The following MFSD6 variants were observed in gnomAD, a reference collection of about 807,000 sequenced individuals.
MFSD6 encodes the protein major facilitator superfamily domain-containing protein 6.
Under a neutral mutation model 56.3 loss-of-function variants are expected in MFSD6, and 26 were observed. The observed-to-expected ratio is 0.46, with a 90% CI of 0.34 to 0.64. The LOEUF (loss-of-function observed/expected upper bound fraction) is 0.64, where lower values mean the gene tolerates loss of function less well. Among genes scored for constraint, MFSD6 ranks in the 30% least tolerant of loss-of-function variants. The pLI is 0.01. For synonymous variants in MFSD6, 331 were observed against 366.9 expected (o/e 0.90, Z 1.12); for missense variants, 750 against 986.2 (o/e 0.76, Z 3.21).
intron 3 of MFSD6, among the ~76,000 whole-genome samples, chr2:190,445,392 A>G (rs62181001): frequency 0.23 from 34,784 of 151,546 alleles, 4,927 homozygotes; most frequent in South Asian, 0.33. Flanking sequence ...ACATGCTAAA[A>G]GTAGGACTTA....
intron 3 of MFSD6, among the ~76,000 whole-genome samples, chr2:190,455,934 C>CTTTTTTTTTTTTTTTTTTTT (rs34054506): frequency 1.5e-5 from 1 of 65,370 alleles, no homozygotes; most frequent in Admixed American, 2.7e-4. Flanking sequence ...ATTTACTCTG[C>CTTTTTTTTTTTTTTTTTTTT]TTTTTTTTTT....
In MFSD6 at chr2:190,436,587, C is replaced by G. The variant is rs770672970; in HGVS notation, c.558C>G (p.Thr186=). The change falls in exon 3 of 8, where the codon ACC becomes ACG. Residue 186 remains threonine, a synonymous_variant. Coordinates refer to ENST00000392328, the MANE Select transcript of MFSD6 (RefSeq NM_017694.4). This position sits in a 1 kb window ranked among gnomAD's most constrained non-coding sequence, Gnocchi z 5.3. ...TCCTGCCAACAAATTCTTCCTTTAC[C>G]TCTTTCCTCACCATATCACCAAAAA... The part of the protein sequence containing the change: ...LTILPTNSSF[T]SFLTISPKMR... The G allele has an allele frequency of 6.2e-7, 1 of 1,614,212 alleles. No individual in the cohort carries two copies. The highest frequency in any genetic ancestry group is 8.5e-7 in the Non-Finnish European group (1 of 1,180,040).
At position 190,497,666 on chromosome 2, in the gene MFSD6, G is replaced by A; in HGVS notation, c.2119G>A (p.Glu707Lys). Reference sequence around the variant, plus strand: ...TGTCTATGCACTCTACCAAATTAAAGAGATGATGCAACTCACAAGAGACAA... The same window carrying A: ...TGTCTATGCACTCTACCAAATTAAAAAGATGATGCAACTCACAAGAGACAA... ...TFVYALYQIK[E>K]MMQLTRDNRA... The change falls in exon 7 of 8, where the codon GAG (glutamate) becomes AAG (lysine). Residue 707 changes from glutamate to lysine, a missense_variant. Coordinates refer to ENST00000392328, the MANE Select transcript of MFSD6 (RefSeq NM_017694.4). The surrounding 1 kb of genome is among the most constrained non-coding windows in gnomAD (Gnocchi z 5.2). 6.2e-7 allele frequency: 1 copy of A among 1,614,154 alleles called. No homozygotes were observed. The highest frequency in any genetic ancestry group is 8.5e-7 in the Non-Finnish European group (1 of 1,180,010).
In MFSD6 at chr2:190,461,415, A is replaced by G. The variant is rs1687322583; in HGVS notation, c.1533-8343A>G. On this transcript the variant is annotated intron_variant, in intron 3 of 7. Transcript: ENST00000392328. This position sits in a 1 kb window ranked among gnomAD's most constrained non-coding sequence, Gnocchi z 5.5. ...TGAGGTTCTAGTGTTGTATCCTTTT[A>G]GAGATATTCTGTTCATATGTAAGTA... Among the ~76,000 whole-genome samples, 1 of 152,234 alleles carries G rather than the reference A, an allele frequency of 6.6e-6. No homozygotes were observed. The highest frequency in any genetic ancestry group is 2.4e-5 in the African/African-American group (1 of 41,458).
In MFSD6 at chr2:190,502,060, A is replaced by G. The variant is rs1425341622; in HGVS notation, c.*1842A>G. The G allele has an allele frequency of 6.6e-6, 1 of 152,656 alleles. No homozygotes were observed. Among genetic ancestry groups the G allele is most frequent in the African/African-American group, 2.4e-5 (1 of 41,452 alleles). 9.5% of individuals were successfully genotyped at this position (152,656 alleles called of 1,614,324 possible). On this transcript the variant is annotated 3_prime_UTR_variant, in exon 8 of 8. Coordinates refer to ENST00000392328, the MANE Select transcript of MFSD6 (RefSeq NM_017694.4). The surrounding 1 kb of genome is among the most constrained non-coding windows in gnomAD (Gnocchi z 4.4). ...TGCACAGTTGACATGTTGAAATAAA[A>G]ATGAATACCATTTTTAAATGTTTCT...
chr2:190,472,713 T>C (rs983144352), intron 4 of MFSD6, among the ~76,000 whole-genome samples: 7 of 152,124 alleles, frequency 4.6e-5, no homozygotes, highest in African/African-American at 1.7e-4. Flanking sequence ...CAGGCCAACA[T>C]TCAAATTCAG....
rs1367454960 is a variant in MFSD6, at chr2:190,489,728, T to C, written c.1793-40T>C. On this transcript the variant is annotated intron_variant, in intron 5 of 7. Coordinates refer to ENST00000392328, the MANE Select transcript of MFSD6 (RefSeq NM_017694.4). The surrounding 1 kb of genome is among the most constrained non-coding windows in gnomAD (Gnocchi z 6.6). ...GGTTTTAGATGAGCGCTATCTGCAT[T>C]TCTTGGAATTACTCTATAGAGTGCT... 1 of 1,567,106 alleles carries C rather than the reference T, an allele frequency of 6.4e-7. No homozygotes were observed.
Position 190,487,366 on chromosome 2 carries a change from T to C in MFSD6, c.1631-1291T>C, listed in dbSNP as rs1019622170. Among the ~76,000 whole-genome samples, 1 of 152,072 alleles carries C rather than the reference T, an allele frequency of 6.6e-6. No individual in the cohort carries two copies. Among genetic ancestry groups the C allele is most frequent in the African/African-American group, 2.4e-5 (1 of 41,404 alleles). On this transcript the variant is annotated intron_variant, in intron 4 of 7. Transcript: ENST00000392328. This position sits in a 1 kb window ranked among gnomAD's most constrained non-coding sequence, Gnocchi z 5.5. ...AACAAAACAAAACAAAACATAAAAA[T>C]TGTTATATCCTTTGAATCATTAACC...
At chr2:190,460,756 C>A (rs1267717433) in intron 3 of MFSD6, among the ~76,000 whole-genome samples, 2 of 152,192 alleles carry the variant, frequency 1.3e-5, no homozygotes, top group African/African-American at 4.8e-5. Flanking sequence ...TATCAAGACA[C>A]AGAGACAGGT....
chr2:190,407,954 G>A (rs1255352634), upstream of MFSD6, among the ~76,000 whole-genome samples: 1 of 151,746 alleles, frequency 6.6e-6, no homozygotes, highest in Non-Finnish European at 1.5e-5. The surrounding 1 kb of genome is among the most constrained non-coding windows in gnomAD (Gnocchi z 5.4). Context: ...GGGCTCAGCG[G>A]AAGTCGCTTG....
At chr2:190,428,819 T>C (rs1460771096) in intron 2 of MFSD6, among the ~76,000 whole-genome samples, 33 of 151,852 alleles carry the variant, frequency 2.2e-4, no homozygotes, top group Admixed American at 2.2e-3. Context: ...ATTACAGGCA[T>C]CTGCCACCAT....
chr2:190,451,028 G>A lies in MFSD6; in HGVS notation c.1532+13467G>A, dbSNP rs1178745168. On this transcript the variant is annotated intron_variant, in intron 3 of 7. Coordinates refer to ENST00000392328, the MANE Select transcript of MFSD6 (RefSeq NM_017694.4). This position sits in a 1 kb window ranked among gnomAD's most constrained non-coding sequence, Gnocchi z 5.0. ...CATTCCATTGAGGAGAATGAGAAGA[G>A]AGCAAGTTGGTCTAGGCTTGACTCC... 6.6e-6 allele frequency among the ~76,000 whole-genome samples: 1 copy of A among 152,192 alleles called. No individual in the cohort carries two copies. Among genetic ancestry groups the A allele is most frequent in the Non-Finnish European group, 1.5e-5 (1 of 68,028 alleles).
At chr2:190,450,799 G>C (rs930930455) in intron 3 of MFSD6, among the ~76,000 whole-genome samples, 30 of 152,028 alleles carry the variant, frequency 2.0e-4, no homozygotes, top group Admixed American at 1.3e-4. Context: ...CAGCCACTGA[G>C]TTTTTCTTTC....
At chr2:190,486,853 C>T (rs1411298980) in intron 4 of MFSD6, among the ~76,000 whole-genome samples, 2 of 152,140 alleles carry the variant, frequency 1.3e-5, no homozygotes, top group Non-Finnish European at 2.9e-5. Context: ...CCTGTTGTGA[C>T]AATATCTGGT....
At chr2:190,480,924 G>T (rs990456819) in intron 4 of MFSD6, among the ~76,000 whole-genome samples, 1 of 152,134 alleles carries the variant, frequency 6.6e-6, no homozygotes, top group Non-Finnish European at 1.5e-5. Flanking sequence ...TAATTTAAAA[G>T]ATCCTATTCT....
intron 3 of MFSD6, among the ~76,000 whole-genome samples, chr2:190,445,860 CA>C (rs1278892379): frequency 2.0e-5 from 3 of 149,236 alleles, no homozygotes; most frequent in African/African-American, 7.3e-5. Context: ...AAAAGAAGGT[CA>C]TTTTTTTTCC....
intron 4 of MFSD6, among the ~76,000 whole-genome samples, chr2:190,470,436 G>A (rs557469780): frequency 1.6e-4 from 24 of 152,236 alleles, no homozygotes; most frequent in South Asian, 6.2e-4. Flanking sequence ...GAAGGCTCTT[G>A]TCATGTAGCT....
intron 3 of MFSD6, among the ~76,000 whole-genome samples, chr2:190,466,818 G>A (rs1180900266): frequency 1.3e-5 from 2 of 152,192 alleles, no homozygotes; most frequent in Non-Finnish European, 2.9e-5. Context: ...AGAAGGGAAG[G>A]CTATATCAAA....
chr2:190,416,280 C>T lies in MFSD6; in HGVS notation c.-54+867C>T, dbSNP rs1690771614. Among the ~76,000 whole-genome samples the T allele has an allele frequency of 6.6e-6, 1 of 152,104 alleles. No homozygotes were observed. Among genetic ancestry groups the T allele is most frequent in the South Asian group, 2.1e-4 (1 of 4,834 alleles). Reference sequence around the variant, plus strand: ...TCATCTTTATGGTTATAAGCTATTTCCTCCAACCCTTAAGAGATCAAAATA... The same window carrying T: ...TCATCTTTATGGTTATAAGCTATTTTCTCCAACCCTTAAGAGATCAAAATA... On this transcript the variant is annotated intron_variant, in intron 2 of 7. Coordinates refer to ENST00000392328, the MANE Select transcript of MFSD6 (RefSeq NM_017694.4). This position sits in a 1 kb window ranked among gnomAD's most constrained non-coding sequence, Gnocchi z 4.1.
Sources: gnomAD v4.1 joint callset for allele counts (sites outside exome capture counted in the v4.1 genomes callset) on GRCh38, gnomAD v4.1.1 for gene constraint, Gnocchi (gnomAD v3.1) non-coding constraint, MANE v1.5 for transcripts, NCBI Gene and HGNC (gene_info 2026-07-23, HGNC 2026-07-21) for gene names.